Variants in ITGB3 observed in about 807,000 individuals in gnomAD.
ITGB3 encodes integrin beta-3.
In ITGB3, 48 loss-of-function variants were observed where a neutral mutation model predicts 85.8. The ratio of observed to expected loss-of-function variants is 0.56; its 90% confidence interval spans 0.44 to 0.71. The LOEUF is 0.71. Among genes scored for constraint, ITGB3 ranks in the 30% least tolerant of loss-of-function variants. The pLI, the probability that ITGB3 is intolerant of heterozygous loss-of-function variation, is 0.00. For missense variants in ITGB3, 861 were observed against 1,019.1 expected (o/e 0.84, Z 2.11); for synonymous variants, 363 against 395.6 (o/e 0.92, Z 0.98).
At chr17:47,258,750 A>G (rs1232109149) in intron 1 of ITGB3, among the ~76,000 whole-genome samples, 1 of 151,994 alleles carries the variant, frequency 6.6e-6, no homozygotes, top group Non-Finnish European at 1.5e-5. Flanking sequence ...GTGCCCCCCC[A>G]GCTCTTTTGT....
chr17:47,286,211 G>T (rs765131189), intron 4 of ITGB3, 49 bp from the exon 5 acceptor site: 1 of 1,605,758 alleles, frequency 6.2e-7, no homozygotes, highest in Non-Finnish European at 8.5e-7. Flanking sequence ...TTCCCATGCT[G>T]CCTTTTCCAT....
At chr17:47,296,400 ATTT>A (rs2065146063) in intron 10 of ITGB3, among the ~76,000 whole-genome samples, 1 of 151,884 alleles carries the variant, frequency 6.6e-6, no homozygotes, top group Non-Finnish European at 1.5e-5. Context: ...TGCCCGGATA[ATTT>A]TTTAAAAATT....
rs148008191 is a variant in ITGB3 at position 47,312,428 on chromosome 17, A to G, written c.*2224A>G. ...AGGGGGCGGGGAGGGATAGTCATGG[A>G]TCCAAGAAGTCCTTAGAAATAGTGG... On this transcript the variant is annotated 3_prime_UTR_variant, in exon 15 of 15. Coordinates refer to ENST00000559488, the MANE Select transcript of ITGB3 (RefSeq NM_000212.3). Among the ~76,000 whole-genome samples the G allele has an allele frequency of 6.6e-6, 1 of 152,292 alleles. No individual in the cohort carries two copies. The highest frequency in any genetic ancestry group is 2.4e-5 in the African/African-American group (1 of 41,560).
chr17:47,305,240 C>T (rs1036588830), intron 13 of ITGB3, among the ~76,000 whole-genome samples: 1 of 152,212 alleles, frequency 6.6e-6, no homozygotes, highest in Non-Finnish European at 1.5e-5. Context: ...GCCCTTCACT[C>T]TTGGGAACTT....
At chr17:47,300,706 G>T (rs1275919190) in intron 12 of ITGB3, 128 bp downstream of exon 12, 6 of 737,896 alleles carry the variant, frequency 8.1e-6, no homozygotes, top group African/African-American at 1.7e-5. Flanking sequence ...TGTTGTGCAG[G>T]CTTGAGGAAC....
At chr17:47,304,139 G>A (rs928602229) in intron 13 of ITGB3, among the ~76,000 whole-genome samples, 4 of 151,626 alleles carry the variant, frequency 2.6e-5, no homozygotes, top group Admixed American at 1.3e-4. Context: ...TGATCCCCCC[G>A]CCTCAGCCCC....
Position 47,292,436 on chromosome 17 carries a change from G to C in ITGB3, c.1558G>C (p.Val520Leu), listed in dbSNP as rs750612657. Reference protein sequence around the residue: ...DECSPREGQPVCSQRGECLCG... With the variant: ...DECSPREGQPLCSQRGECLCG... Reference sequence around the variant, plus strand: ...ATGCAGCCCCCGGGAGGGTCAGCCCGTCTGCAGCCAGCGGGGCGAGTGCCT... The same window carrying C: ...ATGCAGCCCCCGGGAGGGTCAGCCCCTCTGCAGCCAGCGGGGCGAGTGCCT... Residue 520 changes from valine (V) to leucine (L), a missense_variant, in exon 10 of 15, where the codon GTC (valine) becomes CTC (leucine). Coordinates refer to ENST00000559488, the MANE Select transcript of ITGB3 (RefSeq NM_000212.3). 6 of 1,609,690 alleles carry C rather than the reference G, an allele frequency of 3.7e-6. No individual in the cohort carries two copies. The highest frequency in any genetic ancestry group is 1.1e-5 in the South Asian group (1 of 90,938).
chr17:47,291,597 A>G (rs2065126008), intron 9 of ITGB3: 2 of 267,324 alleles, frequency 7.5e-6, no homozygotes, highest in Non-Finnish European at 1.4e-5. Context: ...AGATCTTTGG[A>G]TACGCTGATC....
Position 47,274,442 on chromosome 17 carries a change from G to A in ITGB3, c.103G>A (p.Gly35Ser), listed in dbSNP as rs1235786723. 12 of 1,613,468 alleles carry A rather than the reference G, an allele frequency of 7.4e-6. No individual in the cohort carries two copies. The highest frequency in any genetic ancestry group is 9.3e-6 in the Non-Finnish European group (11 of 1,179,986). Residue 35 changes from glycine to serine, a missense_variant, in exon 2 of 15, where the codon GGT (glycine) becomes AGT (serine). Physicochemically the swap from Gly to Ser is moderately conservative, Grantham distance 56 (BLOSUM62 0). Coordinates refer to ENST00000559488, the MANE Select transcript of ITGB3 (RefSeq NM_000212.3). Reference protein sequence around the residue: ...VGGPNICTTRGVSSCQQCLAV... With the variant: ...VGGPNICTTRSVSSCQQCLAV... ...AGGGCCCAACATCTGTACCACGCGA[G>A]GTGTGAGCTCCTGCCAGCAGTGCCT...
Position 47,284,463 on chromosome 17 carries a change from A to G in ITGB3, c.382A>G (p.Ile128Val), listed in dbSNP as rs1199474400. 6 of 1,614,078 alleles carry G rather than the reference A, an allele frequency of 3.7e-6. No homozygotes were observed. Among genetic ancestry groups the G allele is most frequent in the Non-Finnish European group, 4.2e-6 (5 of 1,180,032 alleles). The change falls in exon 4 of 15, where the codon ATC becomes GTC. Residue 128 changes from isoleucine to valine, a missense_variant. By Grantham distance (29) the Ile-to-Val change is conservative. Coordinates refer to ENST00000559488, the MANE Select transcript of ITGB3 (RefSeq NM_000212.3). ...TCCAGATGATTCGAAGAATTTCTCC[A>G]TCCAAGTGCGGCAGGTGGAGGATTA... Reference protein sequence around the residue: ...LRPDDSKNFSIQVRQVEDYPV... With the variant: ...LRPDDSKNFSVQVRQVEDYPV...
At chr17:47,287,265 C>T in intron 6 of ITGB3, 34 bp downstream of exon 6, 1 of 1,611,432 alleles carries the variant, frequency 6.2e-7, no homozygotes, top group Non-Finnish European at 8.5e-7. Flanking sequence ...GGTTTCTATT[C>T]ATGATTGTGA....
intron 8 of ITGB3, among the ~76,000 whole-genome samples, chr17:47,290,641 C>T (rs1678038742): frequency 6.6e-6 from 1 of 152,144 alleles, no homozygotes; most frequent in South Asian, 2.1e-4. Flanking sequence ...GTAGAAAATG[C>T]CACTTTCCAA....
intron 6 of ITGB3, among the ~76,000 whole-genome samples, chr17:47,287,733 A>G (rs1388323571): frequency 1.3e-5 from 2 of 151,822 alleles, no homozygotes; most frequent in Non-Finnish European, 1.5e-5. Context: ...ATATAGTGAG[A>G]CCCTGCCTCT....
intron 2 of ITGB3, among the ~76,000 whole-genome samples, chr17:47,282,089 C>T (rs560902673): frequency 6.6e-6 from 1 of 152,232 alleles, no homozygotes; most frequent in Non-Finnish European, 1.5e-5. Context: ...GCTGGGACTA[C>T]AGGTGCACGC....
At position 47,292,347 on chromosome 17, in the gene ITGB3, C is replaced by A; in HGVS notation, c.1469C>A (p.Pro490His). 4 of 1,614,226 alleles carry A rather than the reference C, an allele frequency of 2.5e-6. No homozygotes were observed. Among genetic ancestry groups the A allele is most frequent in the Non-Finnish European group, 3.4e-6 (4 of 1,180,046 alleles). The change falls in exon 10 of 15, where the codon CCT becomes CAT. Residue 490 changes from proline (P) to histidine (H), a missense_variant. By Grantham distance (77) the Pro-to-His change is moderately conservative. Coordinates refer to ENST00000559488, the MANE Select transcript of ITGB3 (RefSeq NM_000212.3). ...GAGTGTGGGGTATGCCGTTGTGGGCCTGGCTGGCTGGGATCCCAGTGTGAG... is the reference window on the plus strand; with the variant it reads ...GAGTGTGGGGTATGCCGTTGTGGGCATGGCTGGCTGGGATCCCAGTGTGAG... ...TFECGVCRCG[P>H]GWLGSQCECS...
At chr17:47,256,487 C>T (rs1474460256) in intron 1 of ITGB3, among the ~76,000 whole-genome samples, 1 of 149,978 alleles carries the variant, frequency 6.7e-6, no homozygotes, top group Non-Finnish European at 1.5e-5. Context: ...CCCCCCCCAA[C>T]CTCACAAATC....
Position 47,312,116 on chromosome 17 carries a change from A to G in ITGB3, c.*1912A>G, listed in dbSNP as rs1305223656. ...TATCACCTTTCTCAATGAAAGTCTC[A>G]TTCTATCCTCTCTCCAAACCCGTTT... On this transcript the variant is annotated 3_prime_UTR_variant, in exon 15 of 15. Coordinates refer to ENST00000559488, the MANE Select transcript of ITGB3 (RefSeq NM_000212.3). 6.6e-6 allele frequency among the ~76,000 whole-genome samples: 1 copy of G among 152,198 alleles called. No homozygotes were observed. Among genetic ancestry groups the G allele is most frequent in the Non-Finnish European group, 1.5e-5 (1 of 68,034 alleles).
intron 10 of ITGB3, among the ~76,000 whole-genome samples, chr17:47,296,866 T>C (rs1193318859): frequency 6.6e-6 from 1 of 152,180 alleles, no homozygotes; most frequent in Admixed American, 6.5e-5. Context: ...GAAGGGGAGA[T>C]GACTTACTTA....
At chr17:47,307,843 T>A (rs1365514225) in intron 14 of ITGB3, among the ~76,000 whole-genome samples, 1 of 152,122 alleles carries the variant, frequency 6.6e-6, no homozygotes, top group Non-Finnish European at 1.5e-5. Flanking sequence ...TGTCATTCCA[T>A]CTCATTCTCT....
Sources: allele counts gnomAD v4.1 joint callset (sites outside exome capture counted in the v4.1 genomes callset), GRCh38; gene constraint gnomAD v4.1.1; transcripts MANE v1.5; gene names NCBI Gene and HGNC (gene_info 2026-07-23, HGNC 2026-07-21).